RAD52: variants seen among roughly 807,000 people sequenced by gnomAD.
RAD52 encodes RAD52 DNA repair protein.
Under a neutral mutation model 55.5 loss-of-function variants are expected in RAD52, and 47 were observed. The ratio of observed to expected loss-of-function variants is 0.85; its 90% confidence interval spans 0.67 to 1.08. The LOEUF is 1.08. RAD52 is among the 50% of genes least tolerant of loss of function. RAD52 has a pLI of 0.00. For synonymous variants in RAD52, 184 were observed against 198.9 expected, an observed-to-expected ratio of 0.92 and a Z score of 0.63; for missense variants, 468 against 522.8, an observed-to-expected ratio of 0.90 and a Z score of 1.02.
At chr12:938,611 C>T (rs1957755548) in intron 1 of RAD52, among the ~76,000 whole-genome samples, 1 of 152,000 alleles carries the variant, frequency 6.6e-6, no homozygotes, top group South Asian at 2.1e-4. Context: ...TTGAACCCAG[C>T]GGGTGGAGGT....
At chr12:952,697 G>C (rs989882318), upstream of RAD52, among the ~76,000 whole-genome samples, 1 of 150,506 alleles carries the variant, frequency 6.6e-6, no homozygotes, top group African/African-American at 2.4e-5. Context: ...TTCGAGATCA[G>C]CCTGGCCAAC....
chr12:982,325 C>T (rs1480871494), intron 1 of RAD52, among the ~76,000 whole-genome samples: 1 of 152,206 alleles, frequency 6.6e-6, no homozygotes, highest in Non-Finnish European at 1.5e-5. Flanking sequence ...CTATGAAATA[C>T]TGAGAATTTT....
intron 6 of RAD52, chr12:926,915 GGA>G: frequency 6.5e-7 from 1 of 1,537,268 alleles, no homozygotes; most frequent in Non-Finnish European, 8.7e-7. Flanking sequence ...AGAGAGTACA[GGA>G]TTCTACCACT....
At chr12:953,149 A>G (rs150784125), upstream of RAD52, among the ~76,000 whole-genome samples, 973 of 150,728 alleles carry the variant, frequency 6.5e-3, 7 homozygotes, top group African/African-American at 0.023. Flanking sequence ...TACTAAAAAT[A>G]CAAACATTAG....
intron 1 of RAD52, chr12:976,736 T>G (rs79455603): frequency 2.0e-5 from 3 of 152,194 alleles, no homozygotes; most frequent in Admixed American, 2.0e-4. Context: ...AATTGTAAGC[T>G]ACGATAAAAT....
upstream of RAD52, among the ~76,000 whole-genome samples, chr12:952,278 T>G (rs1174620388): frequency 6.6e-6 from 1 of 152,124 alleles, no homozygotes; most frequent in Non-Finnish European, 1.5e-5. Context: ...AAAAAAATTT[T>G]TTTTAGAGAG....
chr12:925,849 T>C (rs373266632), intron 6 of RAD52, among the ~76,000 whole-genome samples: 344 of 151,782 alleles, frequency 2.3e-3, no homozygotes, highest in African/African-American at 7.7e-3. Context: ...TTCTTTTTTT[T>C]CCCCCCAAAG....
chr12:954,911 A>G (rs1958584117), intron 1 of RAD52, among the ~76,000 whole-genome samples: 1 of 152,166 alleles, frequency 6.6e-6, no homozygotes, highest in Non-Finnish European at 1.5e-5. Flanking sequence ...CCAGTGAGGA[A>G]AGGGGATTCT....
intron 9 of RAD52, chr12:916,061 A>G: frequency 1.2e-6 from 1 of 810,096 alleles, no homozygotes; most frequent in Non-Finnish European, 1.7e-6. Flanking sequence ...GAAGCAAAAA[A>G]AAGTTCTTTA....
At chr12:927,116 G>A (rs368598383) in intron 6 of RAD52, 29 bp downstream of exon 6, 22 of 1,586,638 alleles carry the variant, frequency 1.4e-5, no homozygotes, top group African/African-American at 2.7e-5. Context: ...CTGAAATGAC[G>A]CAGGTTAGAC....
At chr12:947,854 C>G (rs1302593006) in intron 1 of RAD52, among the ~76,000 whole-genome samples, 1 of 147,068 alleles carries the variant, frequency 6.8e-6, no homozygotes, top group Non-Finnish European at 1.5e-5. Flanking sequence ...CCATTGCACT[C>G]CACCCTGGGC....
intron 1 of RAD52, among the ~76,000 whole-genome samples, chr12:948,977 G>A (rs1486021658): frequency 6.6e-6 from 1 of 152,190 alleles, no homozygotes; most frequent in Non-Finnish European, 1.5e-5. Context: ...GGGATTACAG[G>A]TGTGAGACGC....
At chr12:981,868 C>T (rs1001708765) in intron 1 of RAD52, among the ~76,000 whole-genome samples, 7 of 152,216 alleles carry the variant, frequency 4.6e-5, no homozygotes, top group South Asian at 2.1e-4. Context: ...TTTGGCTTGA[C>T]GCTCTGCCCT....
intron 1 of RAD52, among the ~76,000 whole-genome samples, chr12:943,085 AAAC>A (rs1958003630): frequency 6.6e-6 from 1 of 152,212 alleles, no homozygotes; most frequent in Non-Finnish European, 1.5e-5. Context: ...AAAAAGTGCT[AAAC>A]ACCATTAGTG....
intron 1 of RAD52, among the ~76,000 whole-genome samples, chr12:956,889 G>A (rs1377957445): frequency 1.3e-5 from 2 of 152,168 alleles, no homozygotes; most frequent in Non-Finnish European, 2.9e-5. Context: ...ACATCTACTA[G>A]TTAGAGTTGT....
chr12:965,748 C>A (rs531948046), intron 1 of RAD52, among the ~76,000 whole-genome samples: 1 of 151,722 alleles, frequency 6.6e-6, no homozygotes, highest in Non-Finnish European at 1.5e-5. Flanking sequence ...TGCACTGTCT[C>A]GATCTCAGAA....
chr12:951,241 T>C (rs1476873386), upstream of RAD52, among the ~76,000 whole-genome samples: 1 of 152,136 alleles, frequency 6.6e-6, no homozygotes, highest in African/African-American at 2.4e-5. Context: ...GCTTCCCAGG[T>C]AGCTGGGACT....
chr12:954,599 A>G (rs1958580170), upstream of RAD52, among the ~76,000 whole-genome samples: 1 of 152,208 alleles, frequency 6.6e-6, no homozygotes, highest in African/African-American at 2.4e-5. Context: ...GTGCTGCTGC[A>G]CTACAGCTTG....
intron 1 of RAD52, among the ~76,000 whole-genome samples, chr12:967,310 C>T (rs1246613166): frequency 3.4e-5 from 5 of 148,432 alleles, no homozygotes; most frequent in African/African-American, 2.5e-5. Context: ...GCCCAGGAGA[C>T]GGAGGTTGTA....
Sources: gnomAD v4.1 joint callset for allele counts (sites outside exome capture counted in the v4.1 genomes callset) on GRCh38, gnomAD v4.1.1 for gene constraint, MANE v1.5 for transcripts, NCBI Gene and HGNC (gene_info 2026-07-23, HGNC 2026-07-21) for gene names.